The following OR2L13 variants were observed in gnomAD, a reference collection of about 807,000 sequenced individuals.
The protein encoded by OR2L13 is olfactory receptor family 2 subfamily L member 13.
In OR2L13, 14 loss-of-function variants were observed where a neutral mutation model predicts 15.3. The observed-to-expected ratio is 0.91, with a 90% CI of 0.60 to 1.43. OR2L13 has a LOEUF of 1.43. Ranked by LOEUF, OR2L13 falls within the 40% of genes most tolerant of loss-of-function variation. The pLI, the probability that OR2L13 is intolerant of heterozygous loss-of-function variation, is 0.00. For missense variants in OR2L13, 367 were observed against 387.9 expected (o/e 0.95, Z 0.45); for synonymous variants, 152 against 142.9 (o/e 1.06, Z -0.45).
chr1:248,027,591 C>T, the OR2L13 span, among the ~76,000 whole-genome samples: 2 of 152,128 alleles, frequency 1.3e-5, no homozygotes, highest in South Asian at 4.1e-4. Context: ...TCCTCTGTCC[C>T]TTTATTTCTC....
the OR2L13 span, among the ~76,000 whole-genome samples, chr1:247,993,754 AGAGAGGGG>A: frequency 3.9e-5 from 2 of 50,928 alleles, no homozygotes; most frequent in Admixed American, 1.9e-4. Context: ...AAAGAGACAG[AGAGAGGGG>A]GAGAGAGAGA....
chr1:247,968,224 T>C, the OR2L13 span, among the ~76,000 whole-genome samples: 5 of 152,182 alleles, frequency 3.3e-5, no homozygotes, highest in African/African-American at 1.2e-4. Flanking sequence ...TTAAACTGAA[T>C]GTCAGAGAGT....
chr1:247,982,163 A>G, the OR2L13 span, among the ~76,000 whole-genome samples: 1 of 152,126 alleles, frequency 6.6e-6, no homozygotes, highest in African/African-American at 2.4e-5. Flanking sequence ...ATGAATAATA[A>G]TTTTTCTTTG....
the OR2L13 span, among the ~76,000 whole-genome samples, chr1:248,080,350 A>T: frequency 3.9e-5 from 6 of 152,120 alleles, no homozygotes; most frequent in Non-Finnish European, 8.8e-5. Flanking sequence ...GCATAGGAAT[A>T]CACGTGACAT....
At chr1:248,068,922 G>C in the OR2L13 span, among the ~76,000 whole-genome samples, 3 of 152,046 alleles carry the variant, frequency 2.0e-5, no homozygotes, top group Non-Finnish European at 4.4e-5. Context: ...GAAGTTTAGA[G>C]AAAAAAGAAT....
At chr1:247,959,809 C>G in the OR2L13 span, among the ~76,000 whole-genome samples, 270 of 152,276 alleles carry the variant, frequency 1.8e-3, 1 homozygote, top group African/African-American at 6.1e-3. Flanking sequence ...CTTTTAAGGA[C>G]TTCTCTGCAT....
chr1:247,947,471 G>A, the OR2L13 span, among the ~76,000 whole-genome samples: 5 of 152,158 alleles, frequency 3.3e-5, no homozygotes, highest in Non-Finnish European at 7.3e-5. Context: ...GTTTACTGAT[G>A]TCTTACATCT....
At chr1:248,005,906 T>G in the OR2L13 span, among the ~76,000 whole-genome samples, 3 of 152,226 alleles carry the variant, frequency 2.0e-5, no homozygotes. Context: ...AAGTCTTTGT[T>G]GTGCTTTGTT....
chr1:248,044,303 A>G, the OR2L13 span, among the ~76,000 whole-genome samples: 2 of 152,200 alleles, frequency 1.3e-5, no homozygotes, highest in East Asian at 3.9e-4. Context: ...AAAATACTAC[A>G]TGATCTCCCT....
chr1:247,942,981 C>T, the OR2L13 span, among the ~76,000 whole-genome samples: 1 of 151,982 alleles, frequency 6.6e-6, no homozygotes. Flanking sequence ...CAATATTTGT[C>T]TTTTGTGACG....
At chr1:248,068,482 T>C in the OR2L13 span, among the ~76,000 whole-genome samples, 9 of 151,928 alleles carry the variant, frequency 5.9e-5, no homozygotes, top group East Asian at 1.9e-4. Flanking sequence ...GACATCCACA[T>C]CAAAAACCCA....
chr1:247,975,193 C>G, the OR2L13 span: 3 of 393,152 alleles, frequency 7.6e-6, no homozygotes, highest in Non-Finnish European at 1.5e-5. Flanking sequence ...ATAATGGGCT[C>G]TATCGACACT....
At chr1:247,971,609 A>G in the OR2L13 span, among the ~76,000 whole-genome samples, 1 of 152,152 alleles carries the variant, frequency 6.6e-6, no homozygotes, top group Admixed American at 6.6e-5. Context: ...AGGTGTAAGA[A>G]AGGGGTCCAG....
At chr1:248,090,099 T>C in the OR2L13 span, among the ~76,000 whole-genome samples, 18 of 152,148 alleles carry the variant, frequency 1.2e-4, no homozygotes, top group Non-Finnish European at 2.1e-4. Flanking sequence ...GCTGCTCACT[T>C]CTCCTTGCTT....
the OR2L13 span, chr1:247,990,520 C>A: frequency 1.9e-6 from 3 of 1,575,146 alleles, no homozygotes; most frequent in African/African-American, 2.7e-5. Context: ...TATGATTTTT[C>A]TGTATGGAAA....
At chr1:248,052,383 G>A in the OR2L13 span, among the ~76,000 whole-genome samples, 1 of 152,054 alleles carries the variant, frequency 6.6e-6, no homozygotes. Flanking sequence ...TATATGTCTG[G>A]TGCCATTGCC....
chr1:247,986,052 C>T, the OR2L13 span, among the ~76,000 whole-genome samples: 97 of 152,164 alleles, frequency 6.4e-4, 1 homozygote, highest in Middle Eastern at 6.8e-3. Flanking sequence ...TCTCCCATTC[C>T]GTAAGTTGCC....
At chr1:247,956,949 C>T in the OR2L13 span, among the ~76,000 whole-genome samples, 1 of 152,124 alleles carries the variant, frequency 6.6e-6, no homozygotes, top group African/African-American at 2.4e-5. Flanking sequence ...CTTCTCCTGC[C>T]TGATTGCCCT....
chr1:247,970,944 A>G, the OR2L13 span, among the ~76,000 whole-genome samples: 1 of 152,204 alleles, frequency 6.6e-6, no homozygotes, highest in Non-Finnish European at 1.5e-5. Context: ...ACTCAAAGTA[A>G]TCAATATTCC....
Sources: gnomAD v4.1 joint callset for allele counts (sites outside exome capture counted in the v4.1 genomes callset) on GRCh38, gnomAD v4.1.1 for gene constraint, MANE v1.5 for transcripts, NCBI Gene and HGNC (gene_info 2026-07-23, HGNC 2026-07-21) for gene names.